The following APLP2 variants were observed in gnomAD, a reference collection of about 807,000 sequenced individuals.
APLP2 encodes the protein CDEI box-binding protein.
A neutral mutation model predicts 89.9 loss-of-function variants in APLP2; 53 were observed. The ratio of observed to expected loss-of-function variants is 0.59; its 90% CI spans 0.47 to 0.74. The LOEUF is 0.74. Among genes scored for constraint, APLP2 ranks in the 30% least tolerant of loss-of-function variants. APLP2 has a pLI of 0.00. For synonymous variants in APLP2, 372 were observed against 348.6 expected (o/e 1.07, Z -0.75); for missense variants, 973 against 975.9 (o/e 1.00, Z 0.04).
At position 130,104,190 on chromosome 11, in the gene APLP2, G is replaced by A. The variant is rs7104196; in HGVS notation, c.106-5239G>A. ...TAATCCTTAGATTACAAAAGAACAGGACTTTTGGTACACATCTTTTTTTTT... is the reference window on the plus strand; with the variant it reads ...TAATCCTTAGATTACAAAAGAACAGAACTTTTGGTACACATCTTTTTTTTT... On this transcript the variant is annotated intron_variant, in intron 1 of 16. Transcript: ENST00000338167. Among the ~76,000 whole-genome samples the A allele has an allele frequency of 0.016, 2,300 of 146,276 alleles. 145 individuals carry two copies. The East Asian group carries it at 0.24, about 15-fold the overall frequency.
At chr11:130,074,243 TCTCA>T (rs1411135713) in intron 1 of APLP2, among the ~76,000 whole-genome samples, 11 of 152,152 alleles carry the variant, frequency 7.2e-5, no homozygotes, top group Admixed American at 5.2e-4. Context: ...TGAGTTGGAG[TCTCA>T]CTCTGTCGCC....
intron 3 of APLP2, among the ~76,000 whole-genome samples, chr11:130,116,567 C>T (rs1259139594): frequency 6.6e-6 from 1 of 152,040 alleles, no homozygotes; most frequent in Non-Finnish European, 1.5e-5. Flanking sequence ...CTGACTGCGG[C>T]CTTGGTCCTG....
chr11:130,110,734 C>A, intron 3 of APLP2, 73 bp downstream of exon 3: 1 of 1,485,288 alleles, frequency 6.7e-7, no homozygotes, highest in Non-Finnish European at 9.0e-7. Flanking sequence ...TCTTGGCTCA[C>A]AGTGAAATAT....
chr11:130,127,882 T>C, intron 9 of APLP2, 42 bp downstream of exon 9: 2 of 1,569,666 alleles, frequency 1.3e-6, no homozygotes, highest in Middle Eastern at 1.7e-4. Context: ...AGCCTGACCA[T>C]TGGAAAATAC....
intron 16 of APLP2, among the ~76,000 whole-genome samples, chr11:130,142,937 G>A (rs887006843): frequency 6.6e-6 from 1 of 152,134 alleles, no homozygotes; most frequent in Non-Finnish European, 1.5e-5. Context: ...ATCTCCTGCT[G>A]GAGACTGGCC....
At chr11:130,076,182 C>G (rs1315671634) in intron 1 of APLP2, among the ~76,000 whole-genome samples, 1 of 152,160 alleles carries the variant, frequency 6.6e-6, no homozygotes, top group Non-Finnish European at 1.5e-5. Context: ...TCAAGCGATT[C>G]TCGTGCCTCA....
intron 1 of APLP2, among the ~76,000 whole-genome samples, chr11:130,080,223 A>ATTT (rs1436504617): frequency 6.6e-6 from 1 of 152,020 alleles, no homozygotes; most frequent in East Asian, 1.9e-4. Flanking sequence ...TACTATTATA[A>ATTT]TTTTTTGAGA....
At chr11:130,071,396 A>G (rs1237789719) in intron 1 of APLP2, among the ~76,000 whole-genome samples, 1 of 152,238 alleles carries the variant, frequency 6.6e-6, no homozygotes, top group Non-Finnish European at 1.5e-5. Context: ...GTTAACGTTT[A>G]TCTACAGAGG....
At chr11:130,116,177 A>G (rs968310663) in intron 3 of APLP2, among the ~76,000 whole-genome samples, 4 of 152,190 alleles carry the variant, frequency 2.6e-5, no homozygotes, top group African/African-American at 9.7e-5. Context: ...TTGGGAGAAA[A>G]AAAAAAGATA....
chr11:130,126,934 T>C (rs2136001610), intron 8 of APLP2, 104 bp downstream of exon 8: 1 of 1,520,040 alleles, frequency 6.6e-7, no homozygotes, highest in East Asian at 2.3e-5. Context: ...GTCATGCTGA[T>C]GTATAAGGAC....
chr11:130,095,664 G>A (rs989862085), intron 1 of APLP2, among the ~76,000 whole-genome samples: 13 of 152,220 alleles, frequency 8.5e-5, no homozygotes, highest in African/African-American at 3.1e-4. Flanking sequence ...TGTGCTTGGA[G>A]TCACTTGACA....
chr11:130,140,282 T>C (rs965554153), intron 13 of APLP2, 116 bp from the exon 14 acceptor site: 1 of 645,446 alleles, frequency 1.5e-6, no homozygotes, highest in African/African-American at 1.8e-5. Flanking sequence ...ATGAGTCGCG[T>C]GGGGAGGTGC....
rs1221389340 is a variant in APLP2, at chr11:130,070,082, G to C, written c.105G>C (p.Glu35Asp). 1.4e-6 allele frequency: 2 copies of C among 1,447,242 alleles called. No individual in the cohort carries two copies. The highest frequency in any genetic ancestry group is 1.8e-6 in the Non-Finnish European group (2 of 1,107,080). 89.7% of individuals were successfully genotyped at this position (1,447,242 alleles called of 1,614,324 possible). A position where few individuals can be genotyped will look rare whatever the true frequency, so the allele number is the denominator to read the frequency against. ...CCTTGGCGCTGGCCGGCTACATCGA[G>C]GTGGGGACCGGGCGAACGCCGGAGA... is the stretch of plus-strand genomic sequence containing the variant. ...APALALAGYI[E>D]ALAANAGTGF... Residue 35 changes from glutamate to aspartate, a missense_variant and splice_region_variant, in exon 1 of 17, where the codon GAG becomes GAC. Transcript: ENST00000338167.
intron 3 of APLP2, among the ~76,000 whole-genome samples, chr11:130,112,052 T>C (rs913760738): frequency 1.3e-5 from 2 of 152,184 alleles, no homozygotes; most frequent in African/African-American, 4.8e-5. Flanking sequence ...TTTATCTCCC[T>C]GTATGCGGTC....
Position 130,093,708 on chromosome 11 carries a change from T to A in APLP2, c.106-15721T>A, listed in dbSNP as rs187022207. On this transcript the variant is annotated intron_variant, in intron 1 of 16. Transcript: ENST00000338167. ...GACATGTTAGGTTGAAAGTTCAGAA[T>A]ACCAGAGATTGGGAAAATCTTGGAA... Among the ~76,000 whole-genome samples, 4 of 152,274 alleles carry A rather than the reference T, an allele frequency of 2.6e-5. 1 individual carries two copies. Among genetic ancestry groups the A allele is most frequent in the Non-Finnish European group, 5.9e-5 (4 of 68,016 alleles).
At position 130,129,138 on chromosome 11, in the gene APLP2, A is replaced by G. The variant is rs777855761; in HGVS notation, c.1387A>G (p.Met463Val). 3.7e-6 allele frequency: 6 copies of G among 1,614,110 alleles called. No homozygotes were observed. Among genetic ancestry groups the G allele is most frequent in the Non-Finnish European group, 4.2e-6 (5 of 1,180,042 alleles). ...VETHLARVEA[M>V]LNDRRRMALE... ...GACCCACCTGGCCCGAGTGGAAGCT[A>G]TGCTGAATGACCGCCGTCGGATGGC... Residue 463 changes from methionine (M) to valine (V), a missense_variant, in exon 10 of 17, where the codon ATG (methionine) becomes GTG (valine). By Grantham distance (21) the Met-to-Val change is conservative. Coordinates refer to ENST00000338167, the MANE Select transcript of APLP2 (RefSeq NM_001142276.2).
chr11:130,106,125 A>T (rs1474882817), intron 1 of APLP2, among the ~76,000 whole-genome samples: 1 of 152,220 alleles, frequency 6.6e-6, no homozygotes, highest in African/African-American at 2.4e-5. Flanking sequence ...CCAAAGACAG[A>T]TCTTATGGAA....
intron 7 of APLP2, among the ~76,000 whole-genome samples, chr11:130,125,175 T>C (rs1398778153): frequency 6.6e-6 from 1 of 152,214 alleles, no homozygotes; most frequent in Non-Finnish European, 1.5e-5. Flanking sequence ...CTGGCGGATG[T>C]GCCGGCTTCA....
intron 1 of APLP2, chr11:130,070,468 G>A: frequency 1.9e-6 from 2 of 1,057,428 alleles, no homozygotes; most frequent in Non-Finnish European, 2.4e-6. Context: ...CCGCGGCTGG[G>A]CTTTCTCCAG....
Sources: allele counts gnomAD v4.1 joint callset (sites outside exome capture counted in the v4.1 genomes callset), GRCh38; gene constraint gnomAD v4.1.1; transcripts MANE v1.5; gene names NCBI Gene and HGNC (gene_info 2026-07-23, HGNC 2026-07-21).